Variants in GCNT1 observed in about 807,000 individuals in gnomAD.
The protein encoded by GCNT1 is beta-1,3-galactosyl-O-glycosyl-glycoprotein beta-1,6-N-acetylglucosaminyltransferase.
GCNT1 carries 16 observed loss-of-function variants against 26.2 expected under a neutral mutation model. The observed-to-expected ratio is 0.61, with a 90% CI of 0.41 to 0.93. The LOEUF (loss-of-function observed/expected upper bound fraction) is 0.93. GCNT1 is among the 40% of genes least tolerant of loss of function. GCNT1 has a pLI of 0.00. For synonymous variants in GCNT1, 183 were observed against 190.8 expected (o/e 0.96, Z 0.34); for missense variants, 477 against 526.7 (o/e 0.91, Z 0.92).
At chr9:76,421,931 A>G in intron 1 of GCNT1, among the ~76,000 whole-genome samples, 1 of 152,078 alleles carries the variant, frequency 6.6e-6, no homozygotes, top group Admixed American at 6.6e-5. Context: ...ATGAAGAAAT[A>G]TCCAGGACTG....
In GCNT1 at chr9:76,499,137, C is replaced by G. The variant is rs960958788; in HGVS notation, c.-289-1779C>G. Among the ~76,000 whole-genome samples the G allele has an allele frequency of 2.7e-5, 4 of 150,904 alleles. No homozygotes were observed. The South Asian group carries it at 8.4e-4, about 32-fold the overall frequency. ...ATTATAGAATTTTTGGTTAACAATC[C>G]TTTTTTTTGAGATGGAGTCTTGCTC... On this transcript the variant is annotated intron_variant, in intron 2 of 3. Transcript: ENST00000376730.
chr9:76,439,230 T>TC (rs1340049975), upstream of GCNT1, among the ~76,000 whole-genome samples: 2 of 145,546 alleles, frequency 1.4e-5, no homozygotes. Flanking sequence ...TTTCTTTTTT[T>TC]TTTTTTTTTT....
the GCNT1 span, among the ~76,000 whole-genome samples, chr9:76,402,276 T>C: frequency 2.6e-5 from 4 of 152,244 alleles, no homozygotes; most frequent in Admixed American, 2.0e-4. Context: ...CCAGTTTTCC[T>C]TCAACACTCT....
upstream of GCNT1, among the ~76,000 whole-genome samples, chr9:76,457,252 A>T (rs150449835): frequency 2.0e-3 from 300 of 152,136 alleles, 1 homozygote; most frequent in African/African-American, 6.1e-3. Flanking sequence ...TTAATTAATT[A>T]ATTTATTTAT....
chr9:76,394,327 G>A, the GCNT1 span: 1 of 620,878 alleles, frequency 1.6e-6, no homozygotes, highest in Non-Finnish European at 2.6e-6. Flanking sequence ...GCCGACCACA[G>A]GCCACTGCGA....
the GCNT1 span, among the ~76,000 whole-genome samples, chr9:76,413,660 T>TGG: frequency 7.6e-6 from 1 of 131,290 alleles, no homozygotes; most frequent in African/African-American, 3.0e-5. Context: ...TTTGTTTTTT[T>TGG]TTTTTTTGTT....
the GCNT1 span, chr9:76,394,161 A>T: frequency 1.9e-6 from 3 of 1,606,020 alleles, no homozygotes; most frequent in Non-Finnish European, 2.5e-6. Flanking sequence ...GAAGTAAGGC[A>T]GGTGCCTCAT....
the GCNT1 span, among the ~76,000 whole-genome samples, chr9:76,397,813 A>G: frequency 1.3e-5 from 2 of 152,184 alleles, no homozygotes; most frequent in Non-Finnish European, 2.9e-5. Context: ...AAGAACTCCC[A>G]TCAAGTACTC....
intron 2 of GCNT1, among the ~76,000 whole-genome samples, chr9:76,492,564 A>G (rs1824773093): frequency 6.6e-6 from 1 of 150,552 alleles, no homozygotes. Context: ...TGATGACATG[A>G]GCTGGTGCTT....
chr9:76,394,863 T>G, the GCNT1 span, among the ~76,000 whole-genome samples: 1 of 152,234 alleles, frequency 6.6e-6, no homozygotes, highest in African/African-American at 2.4e-5. Flanking sequence ...AAGTATTTAT[T>G]AAAGCTCCAA....
chr9:76,491,487 GC>G, intron 2 of GCNT1, among the ~76,000 whole-genome samples: 1 of 151,342 alleles, frequency 6.6e-6, no homozygotes, highest in South Asian at 2.1e-4. Context: ...AAGCATACTT[GC>G]TATCTGTATA....
intron 2 of GCNT1, among the ~76,000 whole-genome samples, chr9:76,484,268 T>A (rs1224537895): frequency 1.3e-5 from 2 of 151,808 alleles, no homozygotes; most frequent in Non-Finnish European, 2.9e-5. Context: ...TTGCAGCTAC[T>A]TGAGAGGCTA....
chr9:76,423,146 C>T (rs542663610), intron 1 of GCNT1, among the ~76,000 whole-genome samples: 3 of 152,316 alleles, frequency 2.0e-5, no homozygotes, highest in African/African-American at 7.2e-5. Flanking sequence ...TCCATGATCA[C>T]CACCACCATT....
chr9:76,409,554 T>C, the GCNT1 span, among the ~76,000 whole-genome samples: 1 of 152,104 alleles, frequency 6.6e-6, no homozygotes, highest in Non-Finnish European at 1.5e-5. Flanking sequence ...CAAGTGATTC[T>C]CGTGCCTCAG....
chr9:76,412,557 T>G, the GCNT1 span, among the ~76,000 whole-genome samples: 1 of 152,250 alleles, frequency 6.6e-6, no homozygotes, highest in Non-Finnish European at 1.5e-5. Flanking sequence ...TGGGAGTTTT[T>G]TTCTCTCACC....
intron 1 of GCNT1, among the ~76,000 whole-genome samples, chr9:76,426,568 A>G (rs1823259776): frequency 6.6e-6 from 1 of 151,426 alleles, no homozygotes; most frequent in Admixed American, 6.6e-5. Flanking sequence ...ATCGTGTCTC[A>G]AAAAAAAAGA....
chr9:76,399,180 T>G, the GCNT1 span: 1 of 1,480,208 alleles, frequency 6.8e-7, no homozygotes, highest in Non-Finnish European at 9.3e-7. Context: ...GACATTGCCA[T>G]CCCATGCAAC....
At chr9:76,428,094 A>G (rs7038056) in intron 1 of GCNT1, among the ~76,000 whole-genome samples, 53,603 of 151,212 alleles carry the variant, frequency 0.35, 10,023 homozygotes, top group Middle Eastern at 0.4. Context: ...GTGAAACCCC[A>G]TCTCTACTAA....
At chr9:76,500,232 T>A (rs1489046210) in intron 2 of GCNT1, among the ~76,000 whole-genome samples, 3 of 152,194 alleles carry the variant, frequency 2.0e-5, no homozygotes, top group Admixed American at 6.5e-5. Flanking sequence ...GTTGTTTTTG[T>A]TATTTGTTTA....
Sources: allele counts gnomAD v4.1 joint callset (sites outside exome capture counted in the v4.1 genomes callset), GRCh38; gene constraint gnomAD v4.1.1; transcripts MANE v1.5; gene names NCBI Gene and HGNC (gene_info 2026-07-23, HGNC 2026-07-21).